PCDH15: variants seen among roughly 807,000 people sequenced by gnomAD.
PCDH15 encodes protocadherin related 15.
A neutral mutation model predicts 178.5 loss-of-function variants in PCDH15; 129 were observed. The observed-to-expected ratio is 0.72, with a 90% CI of 0.63 to 0.84. PCDH15 has a LOEUF of 0.84. PCDH15 is among the 40% of genes least tolerant of loss of function. The pLI, the probability that PCDH15 is intolerant of heterozygous loss-of-function variation, is 0.00. For synonymous variants in PCDH15, 800 were observed against 732.0 expected, an observed-to-expected ratio of 1.09 and a Z score of -1.50; for missense variants, 2,230 against 2,099.9, an observed-to-expected ratio of 1.06 and a Z score of -1.21.
chr10:54,767,418 T>A (rs749275462), intron 1 of PCDH15, among the ~76,000 whole-genome samples: 1 of 152,060 alleles, frequency 6.6e-6, no homozygotes, highest in South Asian at 2.1e-4. Flanking sequence ...AGGAAAAGCC[T>A]CCCATTTAGA....
chr10:54,275,781 C>G (rs1015335642), intron 8 of PCDH15, among the ~76,000 whole-genome samples: 1 of 151,586 alleles, frequency 6.6e-6, no homozygotes, highest in Non-Finnish European at 1.5e-5. Flanking sequence ...TGCTATTATA[C>G]TAGATCTAGC....
intron 18 of PCDH15, among the ~76,000 whole-genome samples, chr10:54,051,695 G>A (rs1174029675): frequency 1.3e-5 from 2 of 152,188 alleles, no homozygotes; most frequent in Non-Finnish European, 2.9e-5. Flanking sequence ...ATTCAAGCCT[G>A]CTGCAGAAAT....
intron 27 of PCDH15, among the ~76,000 whole-genome samples, chr10:53,858,429 A>G (rs2078896082): frequency 1.3e-5 from 2 of 152,180 alleles, no homozygotes; most frequent in Admixed American, 6.6e-5. Context: ...AACAAATCCA[A>G]GAGCACATAA....
Position 54,369,373 on chromosome 10 carries a change from T to A in PCDH15, c.319-98A>T. ...TTCATTCAGTACATTTTTCTATTCT[T>A]GTTTATTTTTAAATTATAATAATCT... On this transcript the variant is annotated intron_variant, in intron 4 of 37. Transcript: ENST00000644397. The A allele has an allele frequency of 2.8e-6, 3 of 1,074,430 alleles. No homozygotes were observed. In the Admixed American group the frequency reaches 6.2e-5, roughly 22 times the overall value. 66.6% of individuals were successfully genotyped at this position (1,074,430 alleles called of 1,614,324 possible). A position where few individuals can be genotyped will look rare whatever the true frequency, so the allele number is the denominator to read the frequency against.
At chr10:55,208,167 T>C (rs1327909281) in intron 1 of PCDH15, among the ~76,000 whole-genome samples, 1 of 152,102 alleles carries the variant, frequency 6.6e-6, no homozygotes, top group Non-Finnish European at 1.5e-5. Flanking sequence ...TAAAAGTGTA[T>C]GGAGAAATCT....
chr10:54,264,871 G>A (rs7920794), intron 8 of PCDH15, among the ~76,000 whole-genome samples: 106,332 of 151,380 alleles, frequency 0.7, 38,217 homozygotes, highest in Middle Eastern at 0.77. Context: ...TCTCAATTTT[G>A]TTAGAGATGT....
intron 2 of PCDH15, among the ~76,000 whole-genome samples, chr10:55,033,658 T>C (rs1331549201): frequency 6.6e-6 from 1 of 152,214 alleles, no homozygotes; most frequent in Non-Finnish European, 1.5e-5. Context: ...TTATATGATG[T>C]TTAGATGAGA....
chr10:55,101,120 T>C (rs1229770172), intron 2 of PCDH15, among the ~76,000 whole-genome samples: 1 of 152,138 alleles, frequency 6.6e-6, no homozygotes, highest in Non-Finnish European at 1.5e-5. Flanking sequence ...GACTAATGCC[T>C]ATAATCCCAG....
At chr10:55,123,945 G>A (rs1435467481) in intron 2 of PCDH15, among the ~76,000 whole-genome samples, 2 of 152,112 alleles carry the variant, frequency 1.3e-5, no homozygotes, top group African/African-American at 4.8e-5. Flanking sequence ...GAGACATGGG[G>A]CCTGAAGCAG....
chr10:54,136,361 A>G (rs1374204733), intron 14 of PCDH15, among the ~76,000 whole-genome samples: 2 of 151,858 alleles, frequency 1.3e-5, no homozygotes, highest in African/African-American at 4.8e-5. Flanking sequence ...AACGTCTTCA[A>G]TAACCCTGGA....
intron 1 of PCDH15, among the ~76,000 whole-genome samples, chr10:55,292,790 C>T (rs1042783001): frequency 6.6e-6 from 1 of 152,174 alleles, no homozygotes; most frequent in Non-Finnish European, 1.5e-5. Context: ...CAGTTCTGCC[C>T]CTGTGGCTTT....
intron 2 of PCDH15, among the ~76,000 whole-genome samples, chr10:55,476,899 G>A (rs536710726): frequency 4.6e-5 from 7 of 151,638 alleles, no homozygotes; most frequent in Non-Finnish European, 8.8e-5. Context: ...CTCTCCCCTC[G>A]TGCCTTTACA....
In PCDH15 at chr10:53,802,967, A is replaced by C. The variant is rs952993661; in HGVS notation, c.*3612T>G. The stretch of plus-strand genomic sequence containing the variant: ...TATAGACAATGTTCGAATCTTCCAT[A>C]CATGTGCTTAACTGACCATAAATTT... On this transcript the variant is annotated 3_prime_UTR_variant, in exon 38 of 38. Coordinates refer to ENST00000644397, the MANE Select transcript of PCDH15 (RefSeq NM_001384140.1). 5 of 151,958 alleles carry C rather than the reference A, an allele frequency of 3.3e-5. No individual in the cohort carries two copies. The highest frequency in any genetic ancestry group is 1.2e-4 in the African/African-American group (5 of 41,428). 9.4% of individuals were successfully genotyped at this position (151,958 alleles called of 1,614,324 possible).
chr10:54,174,002 T>C (rs971959608), intron 13 of PCDH15, among the ~76,000 whole-genome samples: 3 of 152,112 alleles, frequency 2.0e-5, no homozygotes, highest in Admixed American at 6.5e-5. Flanking sequence ...AAGAGAAAGA[T>C]AAAATGCTAA....
intron 11 of PCDH15, among the ~76,000 whole-genome samples, chr10:54,188,602 C>G (rs957522211): frequency 6.6e-6 from 1 of 151,774 alleles, no homozygotes; most frequent in Non-Finnish European, 1.5e-5. Context: ...GTAAAATAAG[C>G]TCTGACATGC....
At position 54,360,397 on chromosome 10, in the gene PCDH15, T is replaced by C. The variant is rs1935470; in HGVS notation, c.474+8723A>G. 1.3e-3 allele frequency among the ~76,000 whole-genome samples: 196 copies of C among 152,192 alleles called. 1 individual carries two copies. Among genetic ancestry groups the C allele is most frequent in the African/African-American group, 2.5e-3 (102 of 41,548 alleles). ...TGGCTGAAGCACCTGATTAAATCCT[T>C]CTTTTCTGGCAATGTTTGTTGCCTC... On this transcript the variant is annotated intron_variant, in intron 5 of 37. Transcript: ENST00000644397.
intron 7 of PCDH15, among the ~76,000 whole-genome samples, chr10:54,326,428 C>T (rs889746515): frequency 2.0e-5 from 3 of 152,020 alleles, no homozygotes; most frequent in African/African-American, 7.2e-5. Context: ...AAAGCAATTC[C>T]ATTTTTAATT....
At chr10:54,708,347 T>A (rs954824009) in intron 1 of PCDH15, among the ~76,000 whole-genome samples, 1 of 152,184 alleles carries the variant, frequency 6.6e-6, no homozygotes, top group African/African-American at 2.4e-5. Flanking sequence ...GGTATTATAT[T>A]TGCATCAAGT....
At chr10:55,562,270 T>G (rs1842215075) in intron 2 of PCDH15, among the ~76,000 whole-genome samples, 1 of 152,020 alleles carries the variant, frequency 6.6e-6, no homozygotes, top group Non-Finnish European at 1.5e-5. Context: ...ATTTATACAC[T>G]GTTCATCAGT....
Sources: gnomAD v4.1 joint callset for allele counts (sites outside exome capture counted in the v4.1 genomes callset) on GRCh38, gnomAD v4.1.1 for gene constraint, MANE v1.5 for transcripts, NCBI Gene and HGNC (gene_info 2026-07-23, HGNC 2026-07-21) for gene names.